Variants in CTNNA1 observed in about 807,000 individuals in gnomAD.
CTNNA1 encodes catenin alpha-1.
CTNNA1 carries 37 observed loss-of-function variants against 98.4 expected under a neutral mutation model. That is an observed-to-expected ratio of 0.38 (90% CI 0.29 to 0.49). CTNNA1 has a LOEUF of 0.49. Among genes scored for constraint, CTNNA1 ranks in the 20% least tolerant of loss-of-function variants. The probability of loss-of-function intolerance (pLI) is 0.95; values close to 1 mark genes in which losing one functional copy is unlikely to be tolerated. For missense variants in CTNNA1, 761 were observed against 1,147.2 expected (o/e 0.66, Z 4.86); for synonymous variants, 404 against 413.2 (o/e 0.98, Z 0.27).
At chr5:138,833,535 G>A (rs943518986) in intron 7 of CTNNA1, among the ~76,000 whole-genome samples, 3 of 152,096 alleles carry the variant, frequency 2.0e-5, no homozygotes, top group African/African-American at 7.2e-5. Context: ...TTATGGCTAC[G>A]AGAAAAATCA....
At chr5:138,877,412 T>A (rs971831594) in intron 7 of CTNNA1, among the ~76,000 whole-genome samples, 8 of 152,006 alleles carry the variant, frequency 5.3e-5, no homozygotes, top group African/African-American at 1.9e-4. Context: ...CTAAGGACAG[T>A]AGTCTCATAG....
At chr5:138,865,290 C>T (rs909224637) in intron 7 of CTNNA1, among the ~76,000 whole-genome samples, 4 of 152,156 alleles carry the variant, frequency 2.6e-5, no homozygotes, top group Admixed American at 2.6e-4. Context: ...AACTTCTAGG[C>T]TCCACCCACC....
At chr5:138,893,734 C>T (rs1295175376) in intron 9 of CTNNA1, among the ~76,000 whole-genome samples, 1 of 151,926 alleles carries the variant, frequency 6.6e-6, no homozygotes, top group African/African-American at 2.4e-5. Flanking sequence ...AGTGATTCTC[C>T]TGCCTCAGCC....
At chr5:138,876,798 G>A (rs1751668630) in intron 7 of CTNNA1, among the ~76,000 whole-genome samples, 1 of 152,190 alleles carries the variant, frequency 6.6e-6, no homozygotes, top group South Asian at 2.1e-4. Flanking sequence ...GAGACTCCAA[G>A]GTCCCTTCCT....
At chr5:138,906,474 C>A (rs1021905184) in intron 10 of CTNNA1, among the ~76,000 whole-genome samples, 1 of 152,126 alleles carries the variant, frequency 6.6e-6, no homozygotes, top group African/African-American at 2.4e-5. Flanking sequence ...AATGCTTTCA[C>A]AAATCTGTGG....
At chr5:138,904,647 C>T in intron 10 of CTNNA1, 1 of 615,168 alleles carries the variant, frequency 1.6e-6, no homozygotes, top group Non-Finnish European at 2.6e-6. Context: ...ACATGTTACT[C>T]CTGGCCCTTC....
chr5:138,850,988 A>G (rs1715086487), intron 7 of CTNNA1, among the ~76,000 whole-genome samples: 1 of 152,208 alleles, frequency 6.6e-6, no homozygotes, highest in Non-Finnish European at 1.5e-5. Flanking sequence ...AGTGGTAAAA[A>G]CTGGCATGCT....
At chr5:138,871,084 T>C (rs1379080202) in intron 7 of CTNNA1, 1 of 152,200 alleles carries the variant, frequency 6.6e-6, no homozygotes, top group African/African-American at 2.4e-5. Flanking sequence ...GGTACCCATC[T>C]CTTAGTATTA....
At chr5:138,786,018 TC>T (rs751010807) in intron 3 of CTNNA1, among the ~76,000 whole-genome samples, 1 of 152,212 alleles carries the variant, frequency 6.6e-6, no homozygotes, top group Non-Finnish European at 1.5e-5. Flanking sequence ...CATTCCCTGC[TC>T]CCCAAACCCC....
At chr5:138,904,938 A>G (rs1758865414) in intron 10 of CTNNA1, 1 of 151,992 alleles carries the variant, frequency 6.6e-6, no homozygotes. Flanking sequence ...ACTAAAAAAA[A>G]AAAAAATTAG....
intron 12 of CTNNA1, 41 bp downstream of exon 12, chr5:138,924,751 G>C: frequency 2.0e-6 from 3 of 1,518,850 alleles, no homozygotes. Context: ...ACACACCGCA[G>C]CCTCAGTGAG....
intron 7 of CTNNA1, among the ~76,000 whole-genome samples, chr5:138,852,859 TCG>T (rs1554089776): frequency 1.7e-3 from 26 of 15,652 alleles, no homozygotes; most frequent in African/African-American, 4.2e-3. Context: ...TTCCCTCTTT[TCG>T]CGCGCGCGCG....
chr5:138,789,069 AT>A (rs1327780866), intron 3 of CTNNA1, among the ~76,000 whole-genome samples: 1 of 152,128 alleles, frequency 6.6e-6, no homozygotes, highest in Non-Finnish European at 1.5e-5. Context: ...GCAACAGTAG[AT>A]TTCCTAGGAA....
chr5:138,875,347 T>C (rs1172005615), intron 7 of CTNNA1: 8 of 981,520 alleles, frequency 8.2e-6, no homozygotes, highest in South Asian at 4.4e-5. Context: ...GATTTGCTTA[T>C]GTGCTGCGAC....
At chr5:138,898,898 A>G (rs1757454034) in intron 9 of CTNNA1, among the ~76,000 whole-genome samples, 1 of 152,160 alleles carries the variant, frequency 6.6e-6, no homozygotes, top group Admixed American at 6.5e-5. Flanking sequence ...GGTTTTTCTA[A>G]AGAATTTCCT....
chr5:138,870,148 A>G (rs1365102951), intron 7 of CTNNA1: 19 of 152,234 alleles, frequency 1.2e-4, no homozygotes, highest in Admixed American at 1.1e-3. Context: ...ATAAAACCCC[A>G]TCAAAAAACA....
chr5:138,853,481 C>T (rs548208328), intron 7 of CTNNA1, among the ~76,000 whole-genome samples: 5 of 149,674 alleles, frequency 3.3e-5, no homozygotes, highest in South Asian at 2.1e-4. Context: ...TCCTAGCCAG[C>T]GGAAGTATAT....
At chr5:138,824,010 TACTCA>T (rs1760369233) in intron 5 of CTNNA1, among the ~76,000 whole-genome samples, 1 of 126,604 alleles carries the variant, frequency 7.9e-6, no homozygotes, top group Non-Finnish European at 1.8e-5. Flanking sequence ...TAAAAAATAA[TACTCA>T]TAATAAGTCT....
intron 1 of CTNNA1, among the ~76,000 whole-genome samples, chr5:138,777,727 G>C (rs944917210): frequency 6.6e-6 from 1 of 151,288 alleles, no homozygotes; most frequent in African/African-American, 2.4e-5. Flanking sequence ...GCATGGCGGT[G>C]CGCGCCTGCA....
Sources: allele counts gnomAD v4.1 joint callset (sites outside exome capture counted in the v4.1 genomes callset), GRCh38; gene constraint gnomAD v4.1.1; transcripts MANE v1.5; gene names NCBI Gene and HGNC (gene_info 2026-07-23, HGNC 2026-07-21).